ELOVL6: variants seen among roughly 807,000 people sequenced by gnomAD.
ELOVL6 encodes ELOVL fatty acid elongase 6.
A neutral mutation model predicts 31.7 loss-of-function variants in ELOVL6; 8 were observed. The observed-to-expected ratio is 0.25, with a 90% CI of 0.15 to 0.45. The LOEUF (loss-of-function observed/expected upper bound fraction) is 0.45. Among genes scored for constraint, ELOVL6 ranks in the 20% least tolerant of loss-of-function variants. The pLI, the probability that ELOVL6 is intolerant of heterozygous loss-of-function variation, is 1.00. For missense variants in ELOVL6, 126 were observed against 326.4 expected, an observed-to-expected ratio of 0.39 and a Z score of 4.73; for synonymous variants, 101 against 117.7, an observed-to-expected ratio of 0.86 and a Z score of 0.92.
intron 2 of ELOVL6, among the ~76,000 whole-genome samples, chr4:110,103,330 A>G (rs1209063767): frequency 6.6e-6 from 1 of 152,204 alleles, no homozygotes; most frequent in African/African-American, 2.4e-5. Flanking sequence ...CACCATCAAA[A>G]GGAATAGCAA....
chr4:110,119,261 C>T (rs1757273900), intron 1 of ELOVL6, among the ~76,000 whole-genome samples: 1 of 151,846 alleles, frequency 6.6e-6, no homozygotes, highest in South Asian at 2.1e-4. Flanking sequence ...TGCACCAATG[C>T]ACTCTAGCCT....
intron 1 of ELOVL6, among the ~76,000 whole-genome samples, chr4:110,123,314 C>T (rs535244073): frequency 3.3e-4 from 50 of 152,114 alleles, no homozygotes; most frequent in African/African-American, 1.1e-3. Context: ...AAGAATACTA[C>T]AAATTAAGAT....
intron 1 of ELOVL6, among the ~76,000 whole-genome samples, chr4:110,138,386 G>T (rs1757865372): frequency 6.6e-6 from 1 of 152,262 alleles, no homozygotes; most frequent in African/African-American, 2.4e-5. Context: ...TGAACAAAAT[G>T]GGTACAAATG....
chr4:110,158,657 ATTT>A (rs1184682018), intron 1 of ELOVL6, among the ~76,000 whole-genome samples: 19 of 74,158 alleles, frequency 2.6e-4, no homozygotes, highest in African/African-American at 1.3e-3. Context: ...ATATATATAT[ATTT>A]TTTTTTTTTT....
chr4:110,127,147 G>A (rs571501633), intron 1 of ELOVL6, among the ~76,000 whole-genome samples: 6 of 152,158 alleles, frequency 3.9e-5, no homozygotes, highest in South Asian at 4.2e-4. Flanking sequence ...AGTGGCTCAC[G>A]CCTGTAATCC....
intron 1 of ELOVL6, among the ~76,000 whole-genome samples, chr4:110,116,617 T>C (rs1433256200): frequency 2.0e-5 from 3 of 152,208 alleles, no homozygotes. Flanking sequence ...CTGTCCACAG[T>C]CCTAAATTGC....
intron 3 of ELOVL6, among the ~76,000 whole-genome samples, chr4:110,058,972 G>T (rs1218965415): frequency 6.6e-6 from 1 of 152,068 alleles, no homozygotes; most frequent in Non-Finnish European, 1.5e-5. Context: ...ACTATTTCTG[G>T]TAACCTGTGC....
intron 2 of ELOVL6, among the ~76,000 whole-genome samples, chr4:110,072,776 T>C (rs1202633220): frequency 3.3e-5 from 5 of 152,150 alleles, no homozygotes; most frequent in East Asian, 3.9e-4. Flanking sequence ...AATCTCCAAA[T>C]GGCCTTCTCT....
At chr4:110,084,494 ACATATATAT>A (rs1412152169) in intron 2 of ELOVL6, among the ~76,000 whole-genome samples, 1 of 124,188 alleles carries the variant, frequency 8.1e-6, no homozygotes, top group African/African-American at 3.7e-5. Context: ...TAATGTATAC[ACATATATAT>A]CATATATGTG....
At chr4:110,182,384 CTGTCT>C (rs1421797790) in intron 1 of ELOVL6, among the ~76,000 whole-genome samples, 2 of 152,156 alleles carry the variant, frequency 1.3e-5, no homozygotes, top group Non-Finnish European at 1.5e-5. Flanking sequence ...TCCTCACAAA[CTGTCT>C]TTATGTTTAA....
chr4:110,127,227 T>C (rs1757524192), intron 1 of ELOVL6, among the ~76,000 whole-genome samples: 1 of 151,638 alleles, frequency 6.6e-6, no homozygotes, highest in Non-Finnish European at 1.5e-5. Context: ...ACCAACATGG[T>C]GAAACCCTGT....
At chr4:110,128,137 T>C (rs1470170033) in intron 1 of ELOVL6, among the ~76,000 whole-genome samples, 1 of 151,872 alleles carries the variant, frequency 6.6e-6, no homozygotes, top group Non-Finnish European at 1.5e-5. Context: ...TGGAGACATA[T>C]TCAGACAGGA....
intron 1 of ELOVL6, among the ~76,000 whole-genome samples, chr4:110,175,949 A>T (rs1283196590): frequency 6.6e-6 from 1 of 151,856 alleles, no homozygotes; most frequent in Non-Finnish European, 1.5e-5. Flanking sequence ...ATTCTTTCTT[A>T]ATCATTTGTA....
In ELOVL6 at chr4:110,196,288, C is replaced by G. The variant is rs1341162905; in HGVS notation, c.89+1959G>C. Among the ~76,000 whole-genome samples the G allele has an allele frequency of 3.0e-5, 4 of 135,098 alleles. No homozygotes were observed. The East Asian group carries it at 7.7e-4, about 26-fold the overall frequency. 88.6% of individuals were successfully genotyped at this position (135,098 alleles called of 152,430 possible). A position where few individuals can be genotyped will look rare whatever the true frequency, so the allele number is the denominator to read the frequency against. On this transcript the variant is annotated intron_variant, in intron 1 of 3. Coordinates refer to ENST00000302274, the MANE Select transcript of ELOVL6 (RefSeq NM_024090.3). ...GGCACAGAAGCAAATGCTGACCACA[C>G]TGACCACACAGGCTAATGCGGGAGG...
intron 1 of ELOVL6, among the ~76,000 whole-genome samples, chr4:110,134,375 G>C (rs1466824196): frequency 1.3e-5 from 2 of 152,140 alleles, no homozygotes; most frequent in Non-Finnish European, 2.9e-5. Context: ...GTTTGGGAGG[G>C]ATAGAAGTAT....
chr4:110,117,515 G>T (rs982562154), intron 1 of ELOVL6, among the ~76,000 whole-genome samples: 2 of 152,024 alleles, frequency 1.3e-5, no homozygotes, highest in African/African-American at 4.8e-5. Context: ...TCTCTTCACT[G>T]TTCTAGAATT....
chr4:110,068,943 G>A (rs1409030962), intron 2 of ELOVL6, among the ~76,000 whole-genome samples: 2 of 152,076 alleles, frequency 1.3e-5, no homozygotes, highest in Admixed American at 1.3e-4. Context: ...AGGAGTTTGA[G>A]ACTGGCTTGG....
chr4:110,082,488 G>A (rs1032181225), intron 2 of ELOVL6, among the ~76,000 whole-genome samples: 2 of 151,712 alleles, frequency 1.3e-5, no homozygotes, highest in Non-Finnish European at 2.9e-5. Flanking sequence ...GCAAACTATC[G>A]CAAGGACAAA....
intron 1 of ELOVL6, among the ~76,000 whole-genome samples, chr4:110,152,132 C>G (rs1456849182): frequency 2.6e-5 from 4 of 152,142 alleles, no homozygotes; most frequent in African/African-American, 9.7e-5. Flanking sequence ...TCTTGGCCCT[C>G]CCATATGCCC....
Sources: gnomAD v4.1 joint callset for allele counts (sites outside exome capture counted in the v4.1 genomes callset) on GRCh38, gnomAD v4.1.1 for gene constraint, MANE v1.5 for transcripts, NCBI Gene and HGNC (gene_info 2026-07-23, HGNC 2026-07-21) for gene names.